The following ORAI2 variants were observed in gnomAD, a reference collection of about 807,000 sequenced individuals.
ORAI2 encodes the protein ORAI calcium release-activated calcium modulator 2, also known as protein orai-2.
In ORAI2, 10 loss-of-function variants were observed where a neutral mutation model predicts 16.2. That is an observed-to-expected ratio of 0.62 (90% confidence interval 0.38 to 1.04). The LOEUF is 1.04. Among genes scored for constraint, ORAI2 ranks in the 50% least tolerant of loss-of-function variants. The probability of loss-of-function intolerance (pLI) is 0.01; values close to 1 mark genes in which losing one functional copy is unlikely to be tolerated. For missense variants in ORAI2, 238 were observed against 355.5 expected, an observed-to-expected ratio of 0.67 and a Z score of 2.66; for synonymous variants, 150 against 157.5, an observed-to-expected ratio of 0.95 and a Z score of 0.35.
chr7:102,436,793 C>T (rs1179243136), intron 2 of ORAI2, among the ~76,000 whole-genome samples: 1 of 152,182 alleles, frequency 6.6e-6, no homozygotes, highest in Non-Finnish European at 1.5e-5. Context: ...TCACTGCAAC[C>T]TCCGCCTTCT....
intron 1 of ORAI2, among the ~76,000 whole-genome samples, chr7:102,435,347 TC>T (rs1490154779): frequency 2.0e-5 from 3 of 152,026 alleles, no homozygotes; most frequent in African/African-American, 7.2e-5. Flanking sequence ...CAGGTGATCC[TC>T]CCACCTTGGC....
chr7:102,435,395 T>C (rs62482953), intron 1 of ORAI2, among the ~76,000 whole-genome samples: 30,389 of 152,140 alleles, frequency 0.2, 3,865 homozygotes, highest in East Asian at 0.35. Flanking sequence ...TGAGGCACTT[T>C]GGCATGCAAA....
At position 102,449,586 on chromosome 7, in the gene ORAI2, A is replaced by G. The variant is rs942223975; in HGVS notation, c.*2534A>G. 3 of 152,194 alleles carry G rather than the reference A, an allele frequency of 2.0e-5. No homozygotes were observed. The highest frequency in any genetic ancestry group is 6.5e-5 in the Admixed American group (1 of 15,268). The allele number at this position is 152,194 out of a possible 1,614,324, so 9.4% of individuals were successfully genotyped here. A position where few individuals can be genotyped will look rare whatever the true frequency, so the allele number is the denominator to read the frequency against. On this transcript the variant is annotated 3_prime_UTR_variant, in exon 4 of 4. Transcript: ENST00000495936. ...GCCGGGTATGGTGGCGGGTACCTGT[A>G]ATCCCAGCTACTCAGGAGGCTGAGG...
chr7:102,434,070 A>G, intron 1 of ORAI2, among the ~76,000 whole-genome samples: 1 of 135,364 alleles, frequency 7.4e-6, no homozygotes, highest in Non-Finnish European at 1.5e-5. Context: ...ATCTCTAGAG[A>G]GGGGATCGCG....
chr7:102,441,426 G>A (rs1174179387), intron 3 of ORAI2, among the ~76,000 whole-genome samples: 1 of 151,012 alleles, frequency 6.6e-6, no homozygotes, highest in African/African-American at 2.4e-5. Flanking sequence ...TGTAATCCCA[G>A]CTACTCCAGA....
chr7:102,441,325 T>TGA (rs1228917374), intron 3 of ORAI2, among the ~76,000 whole-genome samples: 213 of 148,886 alleles, frequency 1.4e-3, no homozygotes, highest in African/African-American at 5.1e-3. Flanking sequence ...GCAGATCACC[T>TGA]GGTCAGGAGT....
At chr7:102,439,900 T>C (rs551197572) in intron 3 of ORAI2, among the ~76,000 whole-genome samples, 1 of 151,972 alleles carries the variant, frequency 6.6e-6, no homozygotes, top group African/African-American at 2.4e-5. Context: ...GCCAACATGG[T>C]GAAACACCGT....
chr7:102,451,946 G>T lies in ORAI2; in HGVS notation c.*4894G>T, dbSNP rs973508317. 5 of 152,288 alleles carry T rather than the reference G, an allele frequency of 3.3e-5. No individual in the cohort carries two copies. The highest frequency in any genetic ancestry group is 1.2e-4 in the African/African-American group (5 of 41,462). 9.4% of individuals were successfully genotyped at this position (152,288 alleles called of 1,614,324 possible). On this transcript the variant is annotated 3_prime_UTR_variant, in exon 4 of 4. Coordinates refer to ENST00000495936, the MANE Select transcript of ORAI2 (RefSeq NM_001126340.3). Reference sequence around the variant, plus strand: ...AACAAAAGAAGGGGCAGCCCCAGAGGGTGGCTGAGCGACAACAGAGCCCAC... The same window carrying T: ...AACAAAAGAAGGGGCAGCCCCAGAGTGTGGCTGAGCGACAACAGAGCCCAC...
Position 102,446,935 on chromosome 7 carries a change from C to T in ORAI2, c.648C>T (p.Ile216=), listed in dbSNP as rs757095508. 1.2e-6 allele frequency: 2 copies of T among 1,612,752 alleles called. No homozygotes were observed. The highest frequency in any genetic ancestry group is 1.7e-6 in the Non-Finnish European group (2 of 1,179,948). ...GCCTCATCTTCGTGGTCTTCACCAT[C>T]CACTTCTACCGCTCCCTGGTGCGCC... ...PVGLIFVVFT[I]HFYRSLVRHK... Residue 216 remains isoleucine, a synonymous_variant, in exon 4 of 4, where the codon ATC becomes ATT. Transcript: ENST00000495936.
At position 102,446,914 on chromosome 7, in the gene ORAI2, C is replaced by T. The variant is rs370503822; in HGVS notation, c.627C>T (p.Leu209=). The T allele has an allele frequency of 2.5e-6, 4 of 1,613,072 alleles. No individual in the cohort carries two copies. In the African/African-American group the frequency reaches 4.0e-5, roughly 16 times the overall value. Residue 209 remains leucine, a synonymous_variant, in exon 4 of 4, where the codon CTC becomes CTT. Coordinates refer to ENST00000495936, the MANE Select transcript of ORAI2 (RefSeq NM_001126340.3). ...VSTIIMVPVG[L]IFVVFTIHFY... ...CCATCATCATGGTGCCCGTGGGCCT[C>T]ATCTTCGTGGTCTTCACCATCCACT...
rs568757143 is a variant in ORAI2 at position 102,456,700 on chromosome 7, T to C, written c.*9648T>C. The C allele has an allele frequency of 6.6e-6, 1 of 152,318 alleles. No homozygotes were observed. The highest frequency in any genetic ancestry group is 2.4e-5 in the African/African-American group (1 of 41,564). 9.4% of individuals were successfully genotyped at this position (152,318 alleles called of 1,614,324 possible). A position where few individuals can be genotyped will look rare whatever the true frequency, so the allele number is the denominator to read the frequency against. ...TCTGAAGCTGTTCCCAGCTCTTTAGTCTAAACTTCAAATCTTCAACCCTGT... is the reference window on the plus strand; with the variant it reads ...TCTGAAGCTGTTCCCAGCTCTTTAGCCTAAACTTCAAATCTTCAACCCTGT... On this transcript the variant is annotated 3_prime_UTR_variant, in exon 4 of 4. Transcript: ENST00000495936.
intron 3 of ORAI2, among the ~76,000 whole-genome samples, chr7:102,440,417 T>G (rs903075562): frequency 2.0e-5 from 3 of 152,230 alleles, no homozygotes; most frequent in Non-Finnish European, 4.4e-5. Flanking sequence ...CATCTCCTGT[T>G]GACTCCAAAG....
At position 102,449,121 on chromosome 7, in the gene ORAI2, C is replaced by T. The variant is rs1476356355; in HGVS notation, c.*2069C>T. ...AGAAAGTTGTGGCATCCCCGGGGGC[C>T]GGAGAAGAGCCCCGTGTCTTCTGAG... On this transcript the variant is annotated 3_prime_UTR_variant, in exon 4 of 4. Coordinates refer to ENST00000495936, the MANE Select transcript of ORAI2 (RefSeq NM_001126340.3). 8 of 152,144 alleles carry T rather than the reference C, an allele frequency of 5.3e-5. No homozygotes were observed. Among genetic ancestry groups the T allele is most frequent in the Admixed American group, 2.0e-4 (3 of 15,256 alleles). The allele number at this position is 152,144 out of a possible 1,614,324, so 9.4% of individuals were successfully genotyped here.
chr7:102,443,988 C>T (rs2133230437), intron 3 of ORAI2, among the ~76,000 whole-genome samples: 1 of 152,034 alleles, frequency 6.6e-6, no homozygotes, highest in South Asian at 2.1e-4. Context: ...ATTACAGGCA[C>T]CCGGCCATAT....
chr7:102,442,365 C>T (rs542861367), intron 3 of ORAI2, among the ~76,000 whole-genome samples: 31 of 152,072 alleles, frequency 2.0e-4, no homozygotes, highest in East Asian at 1.9e-4. Context: ...CCAGCCTGGC[C>T]GATCTGGTGA....
intron 3 of ORAI2, among the ~76,000 whole-genome samples, chr7:102,442,604 T>C (rs1260026902): frequency 6.6e-6 from 1 of 152,026 alleles, no homozygotes; most frequent in African/African-American, 2.4e-5. Context: ...CGAGAATCAC[T>C]TGAACCCGGG....
chr7:102,445,207 T>G (rs1394268857), intron 3 of ORAI2, among the ~76,000 whole-genome samples: 1 of 152,252 alleles, frequency 6.6e-6, no homozygotes, highest in Non-Finnish European at 1.5e-5. Flanking sequence ...CCATGTGGTC[T>G]GTCTGAGGCC....
chr7:102,438,768 G>A (rs1281030040), intron 2 of ORAI2, among the ~76,000 whole-genome samples, 176 bp from the exon 3 acceptor site: 2 of 152,156 alleles, frequency 1.3e-5, no homozygotes, highest in African/African-American at 4.8e-5. Context: ...GTGAGACACT[G>A]TCTCAAAAAC....
rs1338525330 is a variant in ORAI2 at position 102,446,506 on chromosome 7, C to T, written c.226-7C>T. 1 of 1,602,296 alleles carries T rather than the reference C, an allele frequency of 6.2e-7. No individual in the cohort carries two copies. Among genetic ancestry groups the T allele is most frequent in the Admixed American group, 1.7e-5 (1 of 59,610 alleles). On this transcript the variant is annotated splice_region_variant and splice_polypyrimidine_tract_variant and intron_variant, in intron 3 of 3. Coordinates refer to ENST00000495936, the MANE Select transcript of ORAI2 (RefSeq NM_001126340.3). ...CACCCAGCACCACTCGTCTGCTGTC[C>T]CCGCAGGTGGCCATGGTGGAGGTGC...
Sources: gnomAD v4.1 joint callset for allele counts (sites outside exome capture counted in the v4.1 genomes callset) on GRCh38, gnomAD v4.1.1 for gene constraint, MANE v1.5 for transcripts, NCBI Gene and HGNC (gene_info 2026-07-23, HGNC 2026-07-21) for gene names.